ELMO1: variants seen among roughly 807,000 people sequenced by gnomAD.
The protein encoded by ELMO1 is engulfment and cell motility protein 1.
In ELMO1, 26 loss-of-function variants were observed where a neutral mutation model predicts 98.9. The ratio of observed to expected loss-of-function variants is 0.26; its 90% CI spans 0.19 to 0.36. The LOEUF is 0.36. ELMO1 is among the 10% of genes least tolerant of loss of function. ELMO1 has a pLI of 1.00. For missense variants in ELMO1, 627 were observed against 935.2 expected (o/e 0.67, Z 4.30); for synonymous variants, 346 against 346.0 (o/e 1.00, Z 0.00).
chr7:37,076,408 C>T (rs1018051378), intron 15 of ELMO1, among the ~76,000 whole-genome samples: 11 of 152,080 alleles, frequency 7.2e-5, no homozygotes, highest in African/African-American at 2.7e-4. Flanking sequence ...GCATGGGATC[C>T]GATGAAGTAA....
chr7:36,930,287 C>T (rs1785930757), intron 16 of ELMO1, among the ~76,000 whole-genome samples: 2 of 152,200 alleles, frequency 1.3e-5, no homozygotes, highest in Non-Finnish European at 2.9e-5. Flanking sequence ...CAGTGTTAGG[C>T]TAATTCAAAA....
chr7:37,237,509 C>T (rs1794539350), intron 7 of ELMO1, among the ~76,000 whole-genome samples: 1 of 152,172 alleles, frequency 6.6e-6, no homozygotes, highest in South Asian at 2.1e-4. Context: ...AGGCTGGCCT[C>T]AAACTCCTGA....
At chr7:37,375,933 C>CA in intron 1 of ELMO1, 1 of 636,720 alleles carries the variant, frequency 1.6e-6, no homozygotes, top group East Asian at 3.0e-5. Context: ...CTCCTGGTGC[C>CA]AACAAGAAAG....
At chr7:37,236,596 A>C (rs1350706912) in intron 7 of ELMO1, among the ~76,000 whole-genome samples, 1 of 152,226 alleles carries the variant, frequency 6.6e-6, no homozygotes, top group Non-Finnish European at 1.5e-5. Context: ...ATATATACAT[A>C]TTACATAATA....
intron 1 of ELMO1, among the ~76,000 whole-genome samples, chr7:37,430,450 T>C (rs1212856441): frequency 1.3e-5 from 2 of 152,186 alleles, no homozygotes; most frequent in African/African-American, 4.8e-5. Flanking sequence ...ATGGGAAGTA[T>C]AAAAATGGTC....
At chr7:37,132,459 C>T (rs556239158) in intron 14 of ELMO1, among the ~76,000 whole-genome samples, 87 of 152,164 alleles carry the variant, frequency 5.7e-4, no homozygotes, top group Non-Finnish European at 7.4e-5. Flanking sequence ...GGAGAGGTGT[C>T]AGCACAAATC....
chr7:37,382,544 A>G (rs1346695796), intron 1 of ELMO1, among the ~76,000 whole-genome samples: 1 of 152,140 alleles, frequency 6.6e-6, no homozygotes. Context: ...ATTCTTGTAA[A>G]GGTGTCCCCA....
At chr7:37,048,342 C>T (rs370045416) in intron 15 of ELMO1, among the ~76,000 whole-genome samples, 4 of 152,224 alleles carry the variant, frequency 2.6e-5, no homozygotes, top group South Asian at 2.1e-4. Context: ...TTACCAATTA[C>T]GCACTTATAA....
At chr7:36,948,745 T>C (rs755950936) in intron 16 of ELMO1, among the ~76,000 whole-genome samples, 11 of 152,224 alleles carry the variant, frequency 7.2e-5, no homozygotes, top group Non-Finnish European at 1.2e-4. Context: ...ATCCATGCTC[T>C]TAACCACCTT....
At chr7:37,079,690 A>G (rs1350406219) in intron 15 of ELMO1, among the ~76,000 whole-genome samples, 1 of 152,144 alleles carries the variant, frequency 6.6e-6, no homozygotes, top group Admixed American at 6.5e-5. Context: ...CATCACCTGC[A>G]GCATATGACA....
At chr7:37,408,806 C>T in intron 1 of ELMO1, among the ~76,000 whole-genome samples, 1 of 152,124 alleles carries the variant, frequency 6.6e-6, no homozygotes, top group Non-Finnish European at 1.5e-5. Context: ...TTTCCAGTCA[C>T]TCACAATGAA....
At chr7:36,996,422 A>ATTTC (rs35299195) in intron 16 of ELMO1, among the ~76,000 whole-genome samples, 25,446 of 152,028 alleles carry the variant, frequency 0.17, 2,204 homozygotes, top group Middle Eastern at 0.31. Context: ...GCTCATATAT[A>ATTTC]TTTCTTTCTT....
chr7:36,897,050 A>T (rs1806064936), intron 16 of ELMO1, among the ~76,000 whole-genome samples: 1 of 152,234 alleles, frequency 6.6e-6, no homozygotes, highest in Non-Finnish European at 1.5e-5. Flanking sequence ...CAGATGAAGA[A>T]GATGATTCCC....
At chr7:37,171,449 A>T (rs1385138350) in intron 13 of ELMO1, among the ~76,000 whole-genome samples, 3 of 133,222 alleles carry the variant, frequency 2.3e-5, no homozygotes, top group Non-Finnish European at 3.2e-5. Context: ...GCTAAAAATT[A>T]TCCATTAGTT....
At chr7:37,137,769 T>C (rs1787364215) in intron 13 of ELMO1, among the ~76,000 whole-genome samples, 1 of 152,130 alleles carries the variant, frequency 6.6e-6, no homozygotes, top group Non-Finnish European at 1.5e-5. Context: ...ACTCCTGACC[T>C]CAGGTGATCC....
At chr7:37,395,832 T>C (rs1469126018) in intron 1 of ELMO1, among the ~76,000 whole-genome samples, 1 of 152,228 alleles carries the variant, frequency 6.6e-6, no homozygotes, top group African/African-American at 2.4e-5. Context: ...ACTTTCCAAG[T>C]AAAACTGTGT....
chr7:37,221,587 T>C (rs994700568), intron 10 of ELMO1, among the ~76,000 whole-genome samples: 3 of 152,028 alleles, frequency 2.0e-5, no homozygotes, highest in Non-Finnish European at 4.4e-5. Flanking sequence ...CTTCTTCACA[T>C]CCCCTCTGTA....
intron 5 of ELMO1, among the ~76,000 whole-genome samples, chr7:37,260,224 CTG>C (rs1327783531): frequency 6.6e-6 from 1 of 152,220 alleles, no homozygotes; most frequent in Non-Finnish European, 1.5e-5. Context: ...CTCAAAATCA[CTG>C]TGGTTGAAGC....
At chr7:37,218,143 T>C (rs1050579983) in intron 10 of ELMO1, among the ~76,000 whole-genome samples, 3 of 152,056 alleles carry the variant, frequency 2.0e-5, no homozygotes, top group African/African-American at 7.2e-5. Context: ...CCTCAAAGGA[T>C]CCTATAGCTG....
Sources: allele counts gnomAD v4.1 joint callset (sites outside exome capture counted in the v4.1 genomes callset), GRCh38; gene constraint gnomAD v4.1.1; transcripts MANE v1.5; gene names NCBI Gene and HGNC (gene_info 2026-07-23, HGNC 2026-07-21).